Variants in NEK7 observed in about 807,000 individuals in gnomAD.
NEK7 encodes NIMA related kinase 7.
In NEK7, 18 loss-of-function variants were observed where a neutral mutation model predicts 44.6. The observed-to-expected ratio is 0.40, with a 90% CI of 0.28 to 0.60. The LOEUF (loss-of-function observed/expected upper bound fraction) is 0.60. Among genes scored for constraint, NEK7 ranks in the 20% least tolerant of loss-of-function variants. NEK7 has a pLI of 0.38. For synonymous variants in NEK7, 130 were observed against 121.1 expected (o/e 1.07, Z -0.48); for missense variants, 256 against 366.5 (o/e 0.70, Z 2.46).
At chr1:198,159,442 A>C (rs1664032877) in intron 1 of NEK7, among the ~76,000 whole-genome samples, 3 of 152,240 alleles carry the variant, frequency 2.0e-5, no homozygotes, top group Non-Finnish European at 2.9e-5. Context: ...GTTGGTCAGC[A>C]GACTAAATAT....
At chr1:198,253,658 C>T (rs1653156429) in intron 3 of NEK7, among the ~76,000 whole-genome samples, 2 of 152,148 alleles carry the variant, frequency 1.3e-5, no homozygotes, top group Admixed American at 1.3e-4. Context: ...AAAATTAGAA[C>T]ATTGATACCT....
In NEK7 at chr1:198,174,263, G is replaced by T. The variant is rs931968697; in HGVS notation, c.-29+16987G>T. 5.3e-5 allele frequency among the ~76,000 whole-genome samples: 8 copies of T among 151,982 alleles called. 1 individual carries two copies. Among genetic ancestry groups the T allele is most frequent in the African/African-American group, 1.9e-4 (8 of 41,384 alleles). On this transcript the variant is annotated intron_variant, in intron 1 of 9. Transcript: ENST00000367385. ...GAAACATCTTGTTATTAAGTACAAG[G>T]ATAGTTTTATATTTATGAGGCAGTG...
intron 2 of NEK7, among the ~76,000 whole-genome samples, chr1:198,237,330 A>C (rs1457907409): frequency 2.6e-5 from 4 of 152,072 alleles, no homozygotes; most frequent in Non-Finnish European, 5.9e-5. Context: ...CTCTGCCCCG[A>C]ATTCCAAACT....
intron 1 of NEK7, among the ~76,000 whole-genome samples, chr1:198,167,303 A>G (rs541050967): frequency 6.6e-6 from 1 of 152,282 alleles, no homozygotes; most frequent in East Asian, 1.9e-4. Context: ...AGCAAAATCT[A>G]TGCTTTTCTA....
intron 1 of NEK7, among the ~76,000 whole-genome samples, chr1:198,168,152 G>GT (rs1352166618): frequency 2.6e-5 from 4 of 152,142 alleles, no homozygotes; most frequent in African/African-American, 9.7e-5. Flanking sequence ...AAGTCCAGGT[G>GT]TATTTTTTTA....
At chr1:198,177,659 G>T (rs1485702731) in intron 1 of NEK7, among the ~76,000 whole-genome samples, 5 of 152,002 alleles carry the variant, frequency 3.3e-5, no homozygotes, top group Non-Finnish European at 5.9e-5. Flanking sequence ...ACTTAAAAAG[G>T]GTATGGTTAT....
intron 8 of NEK7, among the ~76,000 whole-genome samples, chr1:198,296,613 T>C (rs1461036687): frequency 6.6e-6 from 1 of 152,186 alleles, no homozygotes; most frequent in African/African-American, 2.4e-5. Flanking sequence ...AGTTATTGCA[T>C]TTAAATTGAA....
chr1:198,206,354 G>A (rs998649301), intron 1 of NEK7, among the ~76,000 whole-genome samples: 5 of 152,020 alleles, frequency 3.3e-5, no homozygotes, highest in Admixed American at 1.3e-4. Context: ...TTGGGTCAGT[G>A]GTCCCTTGAT....
chr1:198,165,309 GTTTAC>G (rs1339261120), intron 1 of NEK7, among the ~76,000 whole-genome samples: 3 of 152,176 alleles, frequency 2.0e-5, no homozygotes, highest in Admixed American at 6.5e-5. Context: ...AAGGTTTTCA[GTTTAC>G]TTTACCCAGA....
In NEK7 at chr1:198,224,513, G is replaced by A. The variant is rs115104043; in HGVS notation, c.-28-8040G>A. Among the ~76,000 whole-genome samples the A allele has an allele frequency of 6.8e-3, 1,035 of 152,098 alleles. 6 individuals are homozygous for A. Among genetic ancestry groups the A allele is most frequent in the Middle Eastern group, 0.014 (4 of 294 alleles). On this transcript the variant is annotated intron_variant, in intron 1 of 9. Coordinates refer to ENST00000367385, the MANE Select transcript of NEK7 (RefSeq NM_133494.3). The stretch of plus-strand genomic sequence containing the variant: ...ATGTCCTCTTCGTTGAGCAACATAC[G>A]TCTGTACTTCAACCGAAACAATGTG...
At chr1:198,232,713 C>T in intron 2 of NEK7, 76 bp downstream of exon 2, 2 of 806,906 alleles carry the variant, frequency 2.5e-6, no homozygotes, top group Middle Eastern at 2.4e-4. Context: ...AGTACATTTA[C>T]AGTTCCTTTA....
intron 9 of NEK7, among the ~76,000 whole-genome samples, chr1:198,312,312 A>C (rs990912479): frequency 1.3e-5 from 2 of 150,012 alleles, no homozygotes; most frequent in African/African-American, 4.9e-5. Context: ...TATTGCATCT[A>C]TTTGATTCTT....
intron 9 of NEK7, among the ~76,000 whole-genome samples, chr1:198,311,473 T>C (rs1003815834): frequency 1.3e-5 from 2 of 151,568 alleles, no homozygotes; most frequent in African/African-American, 4.9e-5. Flanking sequence ...TCCAACACTA[T>C]GTTGAATAGG....
intron 1 of NEK7, among the ~76,000 whole-genome samples, chr1:198,216,122 T>C (rs1351413380): frequency 6.6e-6 from 1 of 152,098 alleles, no homozygotes; most frequent in Non-Finnish European, 1.5e-5. Flanking sequence ...CTGCAGAATA[T>C]ACATTTTTCT....
intron 2 of NEK7, among the ~76,000 whole-genome samples, chr1:198,235,093 C>T (rs1178759814): frequency 2.0e-5 from 3 of 152,108 alleles, no homozygotes; most frequent in Admixed American, 2.0e-4. Flanking sequence ...TGACTTCTTT[C>T]ACTTTTGTAA....
At chr1:198,264,260 A>ATGATT in intron 5 of NEK7, 25 bp downstream of exon 5, 1 of 1,530,832 alleles carries the variant, frequency 6.5e-7, no homozygotes, top group African/African-American at 1.4e-5. Context: ...AATTGTCTTA[A>ATGATT]TGTTTTGTTT....
At chr1:198,263,530 T>C (rs1297957161) in intron 4 of NEK7, among the ~76,000 whole-genome samples, 1 of 151,904 alleles carries the variant, frequency 6.6e-6, no homozygotes, top group Admixed American at 6.6e-5. Context: ...AACAAAAGGA[T>C]TGCAAATGAG....
At chr1:198,241,611 G>A (rs956668694) in intron 2 of NEK7, among the ~76,000 whole-genome samples, 1 of 152,202 alleles carries the variant, frequency 6.6e-6, no homozygotes, top group Non-Finnish European at 1.5e-5. Context: ...TAGCGGACCT[G>A]GAAGGAAACA....
intron 7 of NEK7, among the ~76,000 whole-genome samples, chr1:198,279,930 A>T (rs1358952554): frequency 1.3e-5 from 2 of 151,998 alleles, no homozygotes; most frequent in Non-Finnish European, 2.9e-5. Context: ...GTACTCAATT[A>T]ATATTTGCTG....
Sources: gnomAD v4.1 joint callset for allele counts (sites outside exome capture counted in the v4.1 genomes callset) on GRCh38, gnomAD v4.1.1 for gene constraint, MANE v1.5 for transcripts, NCBI Gene and HGNC (gene_info 2026-07-23, HGNC 2026-07-21) for gene names.